Variants in SPTLC1 observed in about 807,000 individuals in gnomAD.
SPTLC1 encodes the protein serine palmitoyltransferase 1.
In SPTLC1, 55 loss-of-function variants were observed where a neutral mutation model predicts 68.9. That is an observed-to-expected ratio of 0.80 (90% CI 0.64 to 1.00). The LOEUF is 1.00. Among genes scored for constraint, SPTLC1 ranks in the 50% least tolerant of loss-of-function variants. The pLI, the probability that SPTLC1 is intolerant of heterozygous loss-of-function variation, is 0.00. For missense variants in SPTLC1, 449 were observed against 573.1 expected (o/e 0.78, Z 2.21); for synonymous variants, 197 against 201.6 (o/e 0.98, Z 0.19).
intron 3 of SPTLC1, chr9:92,104,708 G>A (rs1319550784): frequency 2.7e-5 from 41 of 1,528,848 alleles, no homozygotes; most frequent in Non-Finnish European, 3.5e-5. Flanking sequence ...AGAGACCCAG[G>A]GGCAGGAGGA....
intron 3 of SPTLC1, among the ~76,000 whole-genome samples, chr9:92,095,546 T>C (rs2118761468): frequency 6.6e-6 from 1 of 152,152 alleles, no homozygotes; most frequent in East Asian, 1.9e-4. Context: ...GAACAAGAAA[T>C]ATATGCAGCA....
At position 92,032,545 on chromosome 9, in the gene SPTLC1, C is replaced by T. The variant is rs1462884733; in HGVS notation, c.1342G>A (p.Val448Ile). Residue 448 changes from valine to isoleucine, a missense_variant, in exon 15 of 15, where the codon GTC becomes ATC. Val to Ile is a conservative substitution (Grantham distance 29). Around this residue, in one of 3 missense-constraint regions of SPTLC1, gnomAD observed 391 missense variants for 472.1 expected, o/e 0.83. Coordinates refer to ENST00000262554, the MANE Select transcript of SPTLC1 (RefSeq NM_006415.4). ...TCTTCCTCTGTTTGTTCCACCGTGA[C>T]CACAACCCGAATGCTGAGAACAGTA... ...CLPPPSIRVVVTVEQTEEELE... is the reference protein window; with the variant it reads ...CLPPPSIRVVITVEQTEEELE... The T allele has an allele frequency of 1.2e-6, 2 of 1,614,186 alleles. No homozygotes were observed. The highest frequency in any genetic ancestry group is 1.1e-5 in the South Asian group (1 of 91,084).
chr9:92,103,894 C>T (rs1057104176), intron 3 of SPTLC1, among the ~76,000 whole-genome samples: 7 of 152,212 alleles, frequency 4.6e-5, no homozygotes, highest in African/African-American at 1.4e-4. Flanking sequence ...CAGCCCCGCA[C>T]CCCCAACAGC....
intron 3 of SPTLC1, 25 bp from the exon 4 acceptor site, chr9:92,080,988 T>A: frequency 6.5e-7 from 1 of 1,541,946 alleles, no homozygotes; most frequent in Non-Finnish European, 9.0e-7. Flanking sequence ...GAGTGGTACA[T>A]GTCAATTACA....
rs775107375 is a variant in SPTLC1, at chr9:92,038,393, G to GT, written c.1137-29dup. Reference sequence around the variant, plus strand: ...GAAGAAGGGAAACACACACACAGCTGTAAGTCCCTTCCAGGCTTGAAGATC... The same window carrying GT: ...GAAGAAGGGAAACACACACACAGCTGTTAAGTCCCTTCCAGGCTTGAAGATC... On this transcript the variant is annotated intron_variant, in intron 12 of 14. Coordinates refer to ENST00000262554, the MANE Select transcript of SPTLC1 (RefSeq NM_006415.4). 28 of 1,417,382 alleles carry GT rather than the reference G, an allele frequency of 2.0e-5. No individual in the cohort carries two copies. The South Asian group carries it at 3.1e-4, about 16-fold the overall frequency. The allele number at this position is 1,417,382 out of a possible 1,614,324, so 87.8% of individuals were successfully genotyped here.
intron 3 of SPTLC1, among the ~76,000 whole-genome samples, chr9:92,091,524 T>C (rs1224984383): frequency 1.3e-5 from 2 of 152,356 alleles, no homozygotes; most frequent in Middle Eastern, 3.4e-3. Context: ...TTTTTGAATA[T>C]ATTATTTGCA....
At chr9:92,086,500 G>A (rs895075894) in intron 3 of SPTLC1, among the ~76,000 whole-genome samples, 82 of 152,212 alleles carry the variant, frequency 5.4e-4, no homozygotes, top group Admixed American at 1.5e-3. Context: ...CTTCACTTAC[G>A]AAGCTTAGTT....
intron 3 of SPTLC1, among the ~76,000 whole-genome samples, chr9:92,101,946 G>A (rs1041643659): frequency 1.3e-5 from 2 of 151,738 alleles, no homozygotes; most frequent in Non-Finnish European, 2.9e-5. Context: ...AAGCTTAAAG[G>A]GACATATTCA....
intron 13 of SPTLC1, 73 bp from the exon 14 acceptor site, chr9:92,034,956 A>G: frequency 8.3e-7 from 1 of 1,203,112 alleles, no homozygotes; most frequent in Non-Finnish European, 1.2e-6. Flanking sequence ...GGGAACGCTG[A>G]AATCCTGCAA....
intron 3 of SPTLC1, among the ~76,000 whole-genome samples, chr9:92,084,194 C>A (rs199919647): frequency 0.077 from 11,613 of 150,994 alleles, 791 homozygotes; most frequent in East Asian, 0.27. Context: ...CAAACAGGGA[C>A]AATTTGACTT....
At chr9:92,037,964 G>A (rs548433133) in intron 13 of SPTLC1, among the ~76,000 whole-genome samples, 2 of 152,272 alleles carry the variant, frequency 1.3e-5, no homozygotes, top group South Asian at 4.1e-4. Flanking sequence ...TTTCAGAGGA[G>A]AGGCCAAGTA....
At chr9:92,052,695 A>C (rs1047648342) in intron 8 of SPTLC1, among the ~76,000 whole-genome samples, 2 of 151,812 alleles carry the variant, frequency 1.3e-5, no homozygotes, top group Non-Finnish European at 2.9e-5. Flanking sequence ...ACACCCGGCT[A>C]ATTTTTTTGT....
intron 12 of SPTLC1, 75 bp from the exon 13 acceptor site, chr9:92,038,440 G>C: frequency 4.2e-6 from 4 of 960,008 alleles, no homozygotes; most frequent in South Asian, 3.9e-5. Context: ...AATAATGTTA[G>C]AAGTCCACAA....
At chr9:92,034,924 G>T (rs1462846627) in intron 13 of SPTLC1, 41 bp from the exon 14 acceptor site, 7 of 1,525,856 alleles carry the variant, frequency 4.6e-6, no homozygotes, top group Non-Finnish European at 6.4e-6. Flanking sequence ...CTGGACTTCA[G>T]ACATGGTGGT....
chr9:92,095,591 T>G (rs1835501382), intron 3 of SPTLC1, among the ~76,000 whole-genome samples: 1 of 152,186 alleles, frequency 6.6e-6, no homozygotes, highest in African/African-American at 2.4e-5. Context: ...GCTTTGATAT[T>G]TCTTCATACC....
chr9:92,101,885 T>G (rs889168496), intron 3 of SPTLC1, among the ~76,000 whole-genome samples: 6 of 151,550 alleles, frequency 4.0e-5, no homozygotes, highest in Admixed American at 2.0e-4. Context: ...AACAAAACAA[T>G]AGCTGAAAAT....
At chr9:92,089,442 A>C (rs1311578266) in intron 3 of SPTLC1, among the ~76,000 whole-genome samples, 3 of 152,178 alleles carry the variant, frequency 2.0e-5, no homozygotes, top group African/African-American at 7.2e-5. Context: ...GGACAGGCTA[A>C]CTTGCTAAAT....
In SPTLC1 at chr9:92,044,181, A is replaced by G. The variant is rs542879337; in HGVS notation, c.1136+1818T>C. 2.2e-4 allele frequency among the ~76,000 whole-genome samples: 34 copies of G among 152,306 alleles called. No individual in the cohort carries two copies. In the South Asian group the frequency reaches 7.0e-3, roughly 32 times the overall value. ...GAGCTGTCTCTATACAGGTGTCATG[A>G]AACGATGTGGAGCTCCAGGTGTGGG... On this transcript the variant is annotated intron_variant, in intron 12 of 14. Coordinates refer to ENST00000262554, the MANE Select transcript of SPTLC1 (RefSeq NM_006415.4).
intron 5 of SPTLC1, among the ~76,000 whole-genome samples, chr9:92,069,762 T>C (rs945705169): frequency 6.6e-6 from 1 of 152,202 alleles, no homozygotes; most frequent in Non-Finnish European, 1.5e-5. Flanking sequence ...TAATTGAAAG[T>C]ATCTGCCACA....
Sources: gnomAD v4.1 joint callset for allele counts (sites outside exome capture counted in the v4.1 genomes callset) on GRCh38, gnomAD v4.1.1 for gene constraint, gnomAD v4.1.1 regional missense constraint, MANE v1.5 for transcripts, NCBI Gene and HGNC (gene_info 2026-07-23, HGNC 2026-07-21) for gene names.